KCNT2: variants seen among roughly 807,000 people sequenced by gnomAD.
KCNT2 encodes the protein potassium channel subfamily T member 2.
A neutral mutation model predicts 153.8 loss-of-function variants in KCNT2; 67 were observed. The observed-to-expected ratio is 0.44, with a 90% CI of 0.36 to 0.53. KCNT2 has a LOEUF of 0.53. Among genes scored for constraint, KCNT2 ranks in the 20% least tolerant of loss-of-function variants. The probability of loss-of-function intolerance (pLI) is 0.00; values close to 1 mark genes in which losing one functional copy is unlikely to be tolerated. For missense variants in KCNT2, 975 were observed against 1,354.8 expected, an observed-to-expected ratio of 0.72 and a Z score of 4.40; for synonymous variants, 500 against 458.8, an observed-to-expected ratio of 1.09 and a Z score of -1.15.
intron 1 of KCNT2, among the ~76,000 whole-genome samples, chr1:196,548,315 AAAAC>A (rs1310100173): frequency 6.6e-6 from 1 of 152,014 alleles, no homozygotes; most frequent in Admixed American, 6.6e-5. Flanking sequence ...TTACAAGAAA[AAAAC>A]AAACAACCCC....
At chr1:196,375,566 T>C (rs986620480) in intron 13 of KCNT2, among the ~76,000 whole-genome samples, 14 of 151,766 alleles carry the variant, frequency 9.2e-5, no homozygotes, top group African/African-American at 3.4e-4. Flanking sequence ...ACTGTCTTCT[T>C]GTTTATTCAT....
intron 1 of KCNT2, among the ~76,000 whole-genome samples, chr1:196,535,993 C>G (rs928609511): frequency 1.3e-5 from 2 of 152,216 alleles, no homozygotes; most frequent in African/African-American, 2.4e-5. Context: ...CACTCCACCC[C>G]CTAAGCTGAG....
intron 1 of KCNT2, among the ~76,000 whole-genome samples, chr1:196,544,350 A>G (rs999223668): frequency 2.0e-5 from 3 of 152,014 alleles, no homozygotes; most frequent in African/African-American, 4.8e-5. Flanking sequence ...CATATATTGG[A>G]AAAAGAAAAC....
At chr1:196,344,069 C>T (rs1024055787) in intron 14 of KCNT2, among the ~76,000 whole-genome samples, 1 of 152,122 alleles carries the variant, frequency 6.6e-6, no homozygotes, top group Non-Finnish European at 1.5e-5. Flanking sequence ...TGTGAGCCAC[C>T]GCCCCTGGCC....
At position 196,387,730 on chromosome 1, in the gene KCNT2, C is replaced by T. The variant is rs138430586; in HGVS notation, c.1294+10833G>A. 4.6e-5 allele frequency among the ~76,000 whole-genome samples: 7 copies of T among 151,784 alleles called. No homozygotes were observed. The South Asian group carries it at 8.3e-4, about 18-fold the overall frequency. ...TATCCTTGTGTGTGTATAAAATATC[C>T]GTTCGATTCTTCTACCTATTTTTAT... is the stretch of plus-strand genomic sequence containing the variant. On this transcript the variant is annotated intron_variant, in intron 13 of 27. Coordinates refer to ENST00000294725, the MANE Select transcript of KCNT2 (RefSeq NM_198503.5).
intron 1 of KCNT2, among the ~76,000 whole-genome samples, chr1:196,519,949 G>T (rs888868442): frequency 2.0e-5 from 3 of 151,934 alleles, no homozygotes; most frequent in African/African-American, 7.2e-5. Context: ...CATTCTATGA[G>T]GCCAGGATCA....
intron 8 of KCNT2, among the ~76,000 whole-genome samples, chr1:196,430,964 G>T (rs138621069): frequency 2.4e-4 from 36 of 152,200 alleles, no homozygotes; most frequent in Non-Finnish European, 4.7e-4. Context: ...ATTCAGAGGT[G>T]GGCTTTAGGA....
intron 1 of KCNT2, among the ~76,000 whole-genome samples, chr1:196,494,544 G>A (rs920085181): frequency 6.6e-6 from 1 of 151,982 alleles, no homozygotes; most frequent in African/African-American, 2.4e-5. Context: ...GACTACAGGC[G>A]CCAGCCACCA....
chr1:196,272,713 CAT>C (rs927336404), intron 25 of KCNT2, among the ~76,000 whole-genome samples: 3 of 151,822 alleles, frequency 2.0e-5, no homozygotes, highest in Admixed American at 6.6e-5. Context: ...CTTTTGTAAA[CAT>C]GTGGTTTATT....
At chr1:196,233,098 T>C (rs1654102303) in intron 27 of KCNT2, among the ~76,000 whole-genome samples, 1 of 151,458 alleles carries the variant, frequency 6.6e-6, no homozygotes. Flanking sequence ...TATCATAATA[T>C]ACTATGTGAA....
At chr1:196,318,793 T>TA (rs1385124030) in intron 20 of KCNT2, among the ~76,000 whole-genome samples, 4 of 151,842 alleles carry the variant, frequency 2.6e-5, no homozygotes, top group Non-Finnish European at 5.9e-5. Context: ...ATCTACAGGA[T>TA]AAAATGTAAG....
intron 12 of KCNT2, among the ~76,000 whole-genome samples, chr1:196,411,182 C>T (rs993209699): frequency 4.0e-5 from 6 of 149,486 alleles, no homozygotes; most frequent in African/African-American, 1.2e-4. Context: ...AGAGACTATC[C>T]TTTCCACATT....
At chr1:196,329,394 AT>A (rs2148087398) in intron 18 of KCNT2, among the ~76,000 whole-genome samples, 1 of 152,258 alleles carries the variant, frequency 6.6e-6, no homozygotes, top group East Asian at 1.9e-4. Flanking sequence ...TAGTCCTTTG[AT>A]ATTAAAATAT....
At chr1:196,285,843 A>G (rs1571909863) in intron 22 of KCNT2, 85 bp from the exon 23 acceptor site, 1 of 744,814 alleles carries the variant, frequency 1.3e-6, no homozygotes, top group East Asian at 2.7e-5. Context: ...TGACATACGT[A>G]AAAAGTTCTC....
intron 1 of KCNT2, among the ~76,000 whole-genome samples, chr1:196,504,597 C>T (rs1680976795): frequency 6.6e-6 from 1 of 152,094 alleles, no homozygotes; most frequent in African/African-American, 2.4e-5. Flanking sequence ...TGGGTATATA[C>T]CCAGTAATGA....
Position 196,499,040 on chromosome 1 carries a change from A to G in KCNT2, c.96-6699T>C, listed in dbSNP as rs184839007. Among the ~76,000 whole-genome samples the G allele has an allele frequency of 3.4e-3, 516 of 152,330 alleles. 3 individuals carry two copies. The highest frequency in any genetic ancestry group is 0.029 in the South Asian group (139 of 4,828). ...ATCAAATATGACAGATGTCTTTATA[A>G]GAAAAGAAAAATTTGCACACAGACA... On this transcript the variant is annotated intron_variant, in intron 1 of 27. Coordinates refer to ENST00000294725, the MANE Select transcript of KCNT2 (RefSeq NM_198503.5).
chr1:196,429,595 A>G lies in KCNT2; in HGVS notation c.801T>C (p.Leu267=). 1 of 1,610,782 alleles carries G rather than the reference A, an allele frequency of 6.2e-7. No individual in the cohort carries two copies. Among genetic ancestry groups the G allele is most frequent in the South Asian group, 1.1e-5 (1 of 90,536 alleles). The change falls in exon 9 of 28, where the codon CTT becomes CTC. Residue 267 remains leucine (L), a synonymous_variant. Transcript: ENST00000294725. ...LFVVAMICVA[L]VVLPIQFEQL... is the part of the protein sequence containing the mutation. ...TGTTTACCTGTATGGGTAGAACCAC[A>G]AGAGCAACACAAATCATAGCAACTA...
At chr1:196,375,479 A>T (rs1231464126) in intron 13 of KCNT2, among the ~76,000 whole-genome samples, 1 of 151,834 alleles carries the variant, frequency 6.6e-6, no homozygotes, top group East Asian at 1.9e-4. Flanking sequence ...TATGTAAGTC[A>T]TTAATAAAAA....
chr1:196,429,540 T>A (rs1673953474), intron 9 of KCNT2, 37 bp downstream of exon 9: 6 of 1,401,866 alleles, frequency 4.3e-6, no homozygotes, highest in Non-Finnish European at 2.9e-6. Flanking sequence ...TTCATGTCTC[T>A]GTACATTTCT....
Sources: allele counts gnomAD v4.1 joint callset (sites outside exome capture counted in the v4.1 genomes callset), GRCh38; gene constraint gnomAD v4.1.1; transcripts MANE v1.5; gene names NCBI Gene and HGNC (gene_info 2026-07-23, HGNC 2026-07-21).